SRP19: variants seen among roughly 807,000 people sequenced by gnomAD.
The protein encoded by SRP19 is signal recognition particle 19 kDa protein.
In SRP19, 11 loss-of-function variants were observed where a neutral mutation model predicts 22.4. That is an observed-to-expected ratio of 0.49 (90% confidence interval 0.31 to 0.81). SRP19 has a LOEUF of 0.81. SRP19 is among the 40% of genes least tolerant of loss of function. The pLI is 0.05. For synonymous variants in SRP19, 61 were observed against 57.6 expected, an observed-to-expected ratio of 1.06 and a Z score of -0.27; for missense variants, 168 against 175.9, an observed-to-expected ratio of 0.96 and a Z score of 0.25.
At position 112,864,677 on chromosome 5, in the gene SRP19, C is replaced by A; in HGVS notation, c.246C>A (p.Val82=). 6.2e-7 allele frequency: 1 copy of A among 1,614,068 alleles called. No homozygotes were observed. Among genetic ancestry groups the A allele is most frequent in the South Asian group, 1.1e-5 (1 of 91,064 alleles). The change falls in exon 4 of 5, where the codon GTC becomes GTA. Residue 82 remains valine, a synonymous_variant. Transcript: ENST00000505459. ...GTGATGTCCAATACAGAGGCAGAGT[C>A]CGGGTCCAGCTCAAACAGGAAGATG... ...WNRDVQYRGR[V]RVQLKQEDGS...
intron 4 of SRP19, chr5:112,887,046 G>C: frequency 1.2e-6 from 2 of 1,612,556 alleles, no homozygotes; most frequent in Non-Finnish European, 8.5e-7. Context: ...CAGTCTCTTT[G>C]GCCTTGTCTT....
chr5:112,867,547 A>G lies in SRP19; in HGVS notation c.*10A>G, dbSNP rs368538842. 14 of 1,602,732 alleles carry G rather than the reference A, an allele frequency of 8.7e-6. No individual in the cohort carries two copies. Among genetic ancestry groups the G allele is most frequent in the Non-Finnish European group, 1.0e-5 (12 of 1,174,564 alleles). On this transcript the variant is annotated 3_prime_UTR_variant, in exon 5 of 5. Transcript: ENST00000505459. The stretch of plus-strand genomic sequence containing the variant: ...AAAGAAAAAGAAGTAACCTAGTATC[A>G]GCATCAAGTATGTGGTACTACTGTA...
At chr5:112,882,984 G>A (rs1021099286) in intron 4 of SRP19, among the ~76,000 whole-genome samples, 5 of 152,044 alleles carry the variant, frequency 3.3e-5, no homozygotes, top group Admixed American at 1.3e-4. Flanking sequence ...CCAGCTCTTC[G>A]ACCAATCCCT....
chr5:112,876,737 C>G (rs1483567470), intron 4 of SRP19: 1 of 152,140 alleles, frequency 6.6e-6, no homozygotes, highest in Non-Finnish European at 1.5e-5. Context: ...AATCATGCAA[C>G]AGAACTGCTC....
At position 112,867,562 on chromosome 5, in the gene SRP19, GTAC is replaced by G. The variant is rs1465503073; in HGVS notation, c.*30_*32del. ...ACCTAGTATCAGCATCAAGTATGTG[GTAC>G]TACTGTAAGAGACATGAATGGAGAC... On this transcript the variant is annotated 3_prime_UTR_variant, in exon 5 of 5. Coordinates refer to ENST00000505459, the MANE Select transcript of SRP19 (RefSeq NM_003135.3). 1 of 1,585,394 alleles carries G rather than the reference GTAC, an allele frequency of 6.3e-7. No homozygotes were observed. The highest frequency in any genetic ancestry group is 1.1e-5 in the South Asian group (1 of 88,006).
intron 2 of SRP19, among the ~76,000 whole-genome samples, chr5:112,862,958 G>C (rs184163651): frequency 1.3e-5 from 2 of 152,282 alleles, no homozygotes. Context: ...TTTTAAGTGT[G>C]TGAAGAAGAC....
At chr5:112,887,317 C>A in intron 4 of SRP19, 2 of 821,756 alleles carry the variant, frequency 2.4e-6, no homozygotes, top group South Asian at 4.2e-5. Flanking sequence ...CCAGTGTTTT[C>A]TGCAGGTTAA....
chr5:112,873,148 T>C (rs550444176), downstream of SRP19, among the ~76,000 whole-genome samples: 24 of 150,420 alleles, frequency 1.6e-4, no homozygotes, highest in African/African-American at 4.9e-4. Flanking sequence ...AGTCTGGGAA[T>C]TTGTGTTTTC....
intron 4 of SRP19, chr5:112,881,939 G>GT (rs111457700): frequency 0.021 from 3,033 of 142,378 alleles, 36 homozygotes; most frequent in African/African-American, 0.039. Context: ...TAATTTTTGT[G>GT]TTTTTTTTTT....
At chr5:112,892,278 G>A (rs546611568) in exon 5 of SRP19, 362 of 1,614,104 alleles carry the variant, frequency 2.2e-4, no homozygotes, top group Non-Finnish European at 2.8e-4. Flanking sequence ...TGTTTACAAC[G>A]TTTGGAATGG....
chr5:112,888,736 A>G (rs1309155047), intron 4 of SRP19, among the ~76,000 whole-genome samples: 4 of 150,962 alleles, frequency 2.6e-5, no homozygotes, highest in African/African-American at 9.8e-5. Flanking sequence ...TAAGACAGAG[A>G]CTTGCTAGGC....
intron 4 of SRP19, chr5:112,877,702 A>T (rs1767940310): frequency 6.6e-6 from 1 of 152,170 alleles, no homozygotes; most frequent in Non-Finnish European, 1.5e-5. Flanking sequence ...TTCTCCCAGA[A>T]TTGCTCTTAG....
At chr5:112,866,314 C>T (rs1360395798) in intron 4 of SRP19, among the ~76,000 whole-genome samples, 2 of 151,952 alleles carry the variant, frequency 1.3e-5, no homozygotes, top group Non-Finnish European at 2.9e-5. Flanking sequence ...TGGAGTTTCT[C>T]CATCTTGGTC....
intron 4 of SRP19, among the ~76,000 whole-genome samples, chr5:112,875,338 A>AT (rs1412037566): frequency 6.6e-6 from 1 of 151,572 alleles, no homozygotes; most frequent in East Asian, 1.9e-4. Context: ...GGACCAGCGC[A>AT]TACCTTCAGA....
chr5:112,886,844 G>A (rs74743339), intron 4 of SRP19, among the ~76,000 whole-genome samples: 3,193 of 152,264 alleles, frequency 0.021, 106 homozygotes, highest in African/African-American at 0.073. Flanking sequence ...GGGAAAAGTC[G>A]AGAACTGTAA....
chr5:112,864,427 T>C (rs779709685), intron 2 of SRP19, 30 bp from the exon 3 acceptor site: 5 of 1,581,942 alleles, frequency 3.2e-6, no homozygotes, highest in Admixed American at 1.7e-5. Flanking sequence ...AAAGCACATA[T>C]ATTTAGTGTT....
rs529858494 is a variant in SRP19, at chr5:112,880,351, T to C, written c.302-11252T>C. ...GAATGTGCTATGAGAACCAGTACAG[T>C]GTGTAAGATGGAGGGGAAAGGGGTT... On this transcript the variant is annotated intron_variant, in intron 4 of 4. Transcript: ENST00000391338. Among the ~76,000 whole-genome samples, 117 of 152,188 alleles carry C rather than the reference T, an allele frequency of 7.7e-4. 1 individual carries two copies. Among genetic ancestry groups the C allele is most frequent in the African/African-American group, 2.8e-3 (116 of 41,526 alleles).
chr5:112,891,969 A>G (rs1213462397), exon 5 of SRP19: 12 of 1,237,282 alleles, frequency 9.7e-6, no homozygotes, highest in Admixed American at 3.4e-5. Context: ...AACAAGAGAG[A>G]AAGTTAAAGG....
At chr5:112,862,726 C>T (rs754363378) in intron 2 of SRP19, 143 bp downstream of exon 2, 5 of 708,908 alleles carry the variant, frequency 7.1e-6, no homozygotes, top group South Asian at 3.4e-5. Context: ...AATTGGGGTG[C>T]GTTCCTCAGT....
Sources: gnomAD v4.1 joint callset for allele counts (sites outside exome capture counted in the v4.1 genomes callset) on GRCh38, gnomAD v4.1.1 for gene constraint, MANE v1.5 for transcripts, NCBI Gene and HGNC (gene_info 2026-07-23, HGNC 2026-07-21) for gene names.